KASH5: variants seen among roughly 807,000 people sequenced by gnomAD.
The protein encoded by KASH5 is protein KASH5.
A neutral mutation model predicts 84.2 loss-of-function variants in KASH5; 72 were observed. That is an observed-to-expected ratio of 0.85 (90% CI 0.71 to 1.04). The LOEUF (loss-of-function observed/expected upper bound fraction) is 1.04. Among genes scored for constraint, KASH5 ranks in the 50% least tolerant of loss-of-function variants. The probability of loss-of-function intolerance (pLI) is 0.00; values close to 1 mark genes in which losing one functional copy is unlikely to be tolerated. For missense variants in KASH5, 650 were observed against 701.0 expected (o/e 0.93, Z 0.82); for synonymous variants, 260 against 279.1 (o/e 0.93, Z 0.68).
Position 49,417,288 on chromosome 19 carries a change from G to A in KASH5, c.1547+22G>A, listed in dbSNP as rs762125868. The A allele has an allele frequency of 1.9e-5, 31 of 1,603,420 alleles. No homozygotes were observed. The East Asian group carries it at 7.0e-4, about 36-fold the overall frequency. On this transcript the variant is annotated intron_variant, in intron 19 of 19. Transcript: ENST00000447857. This position sits in a 1 kb window ranked among gnomAD's most constrained non-coding sequence, Gnocchi z 5.2. ...TCAGGTGTGCCCCCAGGCGTCTCCA[G>A]AAGGAAGGAGGTGGTCTGACATTGG...
At chr19:49,409,511 C>G (rs1422871482) in intron 14 of KASH5, among the ~76,000 whole-genome samples, 2 of 152,150 alleles carry the variant, frequency 1.3e-5, no homozygotes, top group South Asian at 4.1e-4. Flanking sequence ...TTGACTCACC[C>G]CTATCTCGTC....
At chr19:49,404,382 G>A (rs1974459740) in intron 9 of KASH5, among the ~76,000 whole-genome samples, 1 of 152,180 alleles carries the variant, frequency 6.6e-6, no homozygotes, top group Non-Finnish European at 1.5e-5. Flanking sequence ...TGGAATCTGG[G>A]CCATTTTATG....
chr19:49,417,490 C>T lies in KASH5; in HGVS notation c.1669C>T (p.Leu557Phe), dbSNP rs1258274554. 1 of 1,542,994 alleles carries T rather than the reference C, an allele frequency of 6.5e-7. No individual in the cohort carries two copies. Among genetic ancestry groups the T allele is most frequent in the South Asian group, 1.2e-5 (1 of 83,132 alleles). Reference protein sequence around the residue: ...PTWPHLQLCYLQPPPV With the variant: ...PTWPHLQLCYFQPPPV ...CTGGCCCCACCTCCAGCTCTGCTAC[C>T]TCCAGCCCCCTCCAGTGTGAGAGGC... Residue 557 changes from leucine (L) to phenylalanine (F), a missense_variant, in exon 20 of 20, where the codon CTC becomes TTC. Coordinates refer to ENST00000447857, the MANE Select transcript of KASH5 (RefSeq NM_144688.5). The surrounding 1 kb of genome is among the most constrained non-coding windows in gnomAD (Gnocchi z 5.2).
At chr19:49,405,543 G>A (rs1974497567) in intron 9 of KASH5, among the ~76,000 whole-genome samples, 7 of 152,118 alleles carry the variant, frequency 4.6e-5, no homozygotes, top group Admixed American at 3.9e-4. Context: ...TGTTAAGTAT[G>A]ATAGTGGTAT....
chr19:49,389,181 C>A (rs1436669316), intron 1 of KASH5, among the ~76,000 whole-genome samples: 1 of 110,022 alleles, frequency 9.1e-6, no homozygotes, highest in African/African-American at 3.7e-5. Context: ...TAAATCAAGA[C>A]CCCCAAAATC....
chr19:49,411,344 T>C (rs1275968135), intron 15 of KASH5, among the ~76,000 whole-genome samples: 1 of 152,170 alleles, frequency 6.6e-6, no homozygotes, highest in Non-Finnish European at 1.5e-5. Context: ...TTGCCATCCT[T>C]AAGGAGAGAC....
chr19:49,396,487 C>A (rs1974187390), intron 5 of KASH5, among the ~76,000 whole-genome samples: 2 of 152,184 alleles, frequency 1.3e-5, no homozygotes, highest in African/African-American at 4.8e-5. Context: ...CTCCCGACCT[C>A]AGGTGATCCA....
At chr19:49,403,868 C>G (rs928765674) in intron 9 of KASH5, among the ~76,000 whole-genome samples, 1 of 152,226 alleles carries the variant, frequency 6.6e-6, no homozygotes, top group Non-Finnish European at 1.5e-5. Context: ...TCTACCTTCC[C>G]CCTCCACACA....
chr19:49,414,358 T>C lies in KASH5; in HGVS notation c.1329-593T>C, dbSNP rs949504447. ...ATGGGGAAGAGCTCCAACAGTTGAGTTCTGTGGGCTGGGAGGTCTGAGTTG... is the reference window on the plus strand; with the variant it reads ...ATGGGGAAGAGCTCCAACAGTTGAGCTCTGTGGGCTGGGAGGTCTGAGTTG... On this transcript the variant is annotated intron_variant, in intron 16 of 19. Transcript: ENST00000447857. The surrounding 1 kb of genome is among the most constrained non-coding windows in gnomAD (Gnocchi z 4.5). Among the ~76,000 whole-genome samples the C allele has an allele frequency of 1.3e-4, 19 of 151,976 alleles. No homozygotes were observed. Among genetic ancestry groups the C allele is most frequent in the African/African-American group, 4.4e-4 (18 of 41,362 alleles).
chr19:49,392,093 G>T (rs1027217790), intron 2 of KASH5, among the ~76,000 whole-genome samples: 6 of 152,270 alleles, frequency 3.9e-5, no homozygotes, highest in Middle Eastern at 3.4e-3. Context: ...CAGGATCCGG[G>T]TGGCAAGGGC....
chr19:49,398,914 G>A, intron 7 of KASH5, 111 bp from the exon 8 acceptor site: 2 of 811,112 alleles, frequency 2.5e-6, no homozygotes, highest in Non-Finnish European at 4.0e-6. Flanking sequence ...CTCTGTCCCT[G>A]CCTACCACCT....
In KASH5 at chr19:49,417,259, C is replaced by A; in HGVS notation, c.1540C>A (p.Arg514=). 3 of 1,612,372 alleles carry A rather than the reference C, an allele frequency of 1.9e-6. No homozygotes were observed. The highest frequency in any genetic ancestry group is 2.5e-6 in the Non-Finnish European group (3 of 1,179,262). The change falls in exon 19 of 20, where the codon CGG becomes AGG. Residue 514 remains arginine (R), a synonymous_variant. Coordinates refer to ENST00000447857, the MANE Select transcript of KASH5 (RefSeq NM_144688.5). This position sits in a 1 kb window ranked among gnomAD's most constrained non-coding sequence, Gnocchi z 5.2. ...AWGQLCLPPQ[R]LRVTRHPLIP... is the part of the protein sequence containing the mutation. ...GGGCCAGCTCTGCCTGCCCCCACAG[C>A]GGCTCAGGTGTGCCCCCAGGCGTCT...
rs1974141401 is a variant in KASH5 at position 49,395,370 on chromosome 19, A to T, written c.335+78A>T. 6.8e-7 allele frequency: 1 copy of T among 1,473,820 alleles called. No homozygotes were observed. Among genetic ancestry groups the T allele is most frequent in the African/African-American group, 1.4e-5 (1 of 70,758 alleles). The allele number at this position is 1,473,820 out of a possible 1,614,324, so 91.3% of individuals were successfully genotyped here. On this transcript the variant is annotated intron_variant, in intron 4 of 19. Coordinates refer to ENST00000447857, the MANE Select transcript of KASH5 (RefSeq NM_144688.5). The surrounding 1 kb of genome is among the most constrained non-coding windows in gnomAD (Gnocchi z 4.4). ...CTCATACCTGCTTACTGGAGCCAGC[A>T]TCCTTTAGGCCCAAGGACCTACTGT...
chr19:49,390,736 C>A, intron 1 of KASH5, 53 bp from the exon 2 acceptor site: 1 of 859,816 alleles, frequency 1.2e-6, no homozygotes, highest in Non-Finnish European at 1.7e-6. Flanking sequence ...GCTAGGCAGG[C>A]CCCGACCCTT....
chr19:49,393,920 A>G (rs1304726939), intron 2 of KASH5, among the ~76,000 whole-genome samples: 1 of 152,014 alleles, frequency 6.6e-6, no homozygotes, highest in Non-Finnish European at 1.5e-5. Flanking sequence ...GGTTTACCCT[A>G]TCCCTTCATG....
In KASH5 at chr19:49,395,793, C is replaced by T. The variant is rs370579866; in HGVS notation, c.360C>T (p.Thr120=). The change falls in exon 5 of 20, where the codon ACC becomes ACT. Residue 120 remains threonine (T), a synonymous_variant. Coordinates refer to ENST00000447857, the MANE Select transcript of KASH5 (RefSeq NM_144688.5). This position sits in a 1 kb window ranked among gnomAD's most constrained non-coding sequence, Gnocchi z 4.4. ...LHGGLELEEE[T]AFQGALTSRQ... is the part of the protein sequence containing the mutation. ...GGGGATTAGAGCTGGAAGAGGAGAC[C>T]GCCTTCCAGGGAGCCCTGACCTCCC... The T allele has an allele frequency of 2.0e-5, 32 of 1,564,262 alleles. 1 individual carries two copies. Among genetic ancestry groups the T allele is most frequent in the African/African-American group, 9.5e-5 (7 of 73,726 alleles).
intron 2 of KASH5, among the ~76,000 whole-genome samples, chr19:49,394,261 G>A (rs1010080953): frequency 2.0e-5 from 3 of 152,170 alleles, no homozygotes; most frequent in Non-Finnish European, 2.9e-5. Context: ...CAGCAGGGGG[G>A]ACTTCCTGGT....
rs185518071 is a variant in KASH5 at position 49,408,293 on chromosome 19, C to T, written c.993+622C>T. ...CCTCTAGGTCTAGGCTGTCTGTCTC[C>T]CTAGGCAAGTCTTCTCTGTTTGGCT... On this transcript the variant is annotated intron_variant, in intron 12 of 19. Coordinates refer to ENST00000447857, the MANE Select transcript of KASH5 (RefSeq NM_144688.5). The T allele has an allele frequency of 6.3e-3, 998 of 158,802 alleles. 9 individuals are homozygous for T. The highest frequency in any genetic ancestry group is 8.7e-3 in the Non-Finnish European group (627 of 71,686). 9.8% of individuals were successfully genotyped at this position (158,802 alleles called of 1,614,324 possible). A position where few individuals can be genotyped will look rare whatever the true frequency, so the allele number is the denominator to read the frequency against.
Position 49,395,947 on chromosome 19 carries a change from A to G in KASH5, c.400+114A>G, listed in dbSNP as rs8101815. 1 of 807,734 alleles carries G rather than the reference A, an allele frequency of 1.2e-6. No individual in the cohort carries two copies. Among genetic ancestry groups the G allele is most frequent in the Non-Finnish European group, 2.0e-6 (1 of 498,868 alleles). 50.0% of individuals were successfully genotyped at this position (807,734 alleles called of 1,614,324 possible). A position where few individuals can be genotyped will look rare whatever the true frequency, so the allele number is the denominator to read the frequency against. ...TAGGAACCAGGGACCTTTACTGTAG[A>G]CTAGAGCTGTGAGTGTGGCTTTCTA... is the stretch of plus-strand genomic sequence containing the variant. On this transcript the variant is annotated intron_variant, in intron 5 of 19. Transcript: ENST00000447857. This position sits in a 1 kb window ranked among gnomAD's most constrained non-coding sequence, Gnocchi z 4.4.
Sources: gnomAD v4.1 joint callset for allele counts (sites outside exome capture counted in the v4.1 genomes callset) on GRCh38, gnomAD v4.1.1 for gene constraint, Gnocchi (gnomAD v3.1) non-coding constraint, MANE v1.5 for transcripts, NCBI Gene and HGNC (gene_info 2026-07-23, HGNC 2026-07-21) for gene names.